The following IDO2 variants were observed in gnomAD, a reference collection of about 807,000 sequenced individuals.
IDO2 encodes the protein indoleamine 2,3-dioxygenase-like 1 protein.
A neutral mutation model predicts 45.1 loss-of-function variants in IDO2; 46 were observed. That is an observed-to-expected ratio of 1.02 (90% CI 0.80 to 1.30). The LOEUF is 1.30. Among genes scored for constraint, IDO2 ranks in the 50% most tolerant of loss-of-function variants. The pLI, the probability that IDO2 is intolerant of heterozygous loss-of-function variation, is 0.00. For missense variants in IDO2, 544 were observed against 491.8 expected, an observed-to-expected ratio of 1.11 and a Z score of -1.00; for synonymous variants, 218 against 184.9, an observed-to-expected ratio of 1.18 and a Z score of -1.45.
intron 8 of IDO2, among the ~76,000 whole-genome samples, 161 bp downstream of exon 8, chr8:39,989,999 A>G (rs1241153654): frequency 1.2e-4 from 18 of 152,130 alleles, no homozygotes; most frequent in Admixed American, 6.5e-5. Context: ...AACACATATT[A>G]TCTTGGAGAG....
At chr8:39,982,602 T>C in intron 4 of IDO2, 50 bp from the exon 5 acceptor site, 1 of 1,244,992 alleles carries the variant, frequency 8.0e-7, no homozygotes, top group East Asian at 2.5e-5. Flanking sequence ...TTATTTCCTC[T>C]GCTGCAAGCT....
chr8:39,975,753 T>C (rs1168037724), intron 3 of IDO2, among the ~76,000 whole-genome samples: 1 of 152,186 alleles, frequency 6.6e-6, no homozygotes, highest in Non-Finnish European at 1.5e-5. Flanking sequence ...AACTTCCTTC[T>C]TGTCTATATA....
chr8:39,936,316 G>A (rs1011144874), intron 1 of IDO2, among the ~76,000 whole-genome samples: 22 of 152,130 alleles, frequency 1.4e-4, no homozygotes, highest in Non-Finnish European at 3.1e-4. Flanking sequence ...TTTAATTCAA[G>A]TCATTGCAAA....
At chr8:39,959,685 T>C (rs1431963818) in intron 2 of IDO2, among the ~76,000 whole-genome samples, 1 of 152,034 alleles carries the variant, frequency 6.6e-6, no homozygotes, top group Non-Finnish European at 1.5e-5. Context: ...TAGCCAGGCA[T>C]GGTGACATGC....
intron 9 of IDO2, among the ~76,000 whole-genome samples, chr8:40,012,367 G>A (rs1424345279): frequency 6.6e-6 from 1 of 152,152 alleles, no homozygotes; most frequent in Non-Finnish European, 1.5e-5. Context: ...TTGCAAGTTT[G>A]GGGATCAAGT....
At chr8:39,949,300 A>C in intron 2 of IDO2, 36 bp downstream of exon 2, 1 of 1,479,986 alleles carries the variant, frequency 6.8e-7, no homozygotes, top group South Asian at 1.3e-5. Flanking sequence ...AGGTCAGAAT[A>C]TGTTTCTTGA....
chr8:39,967,045 A>C (rs928908577), intron 3 of IDO2, among the ~76,000 whole-genome samples: 1 of 152,224 alleles, frequency 6.6e-6, no homozygotes, highest in Non-Finnish European at 1.5e-5. Flanking sequence ...AGAACTCCTC[A>C]ATATAAACCT....
chr8:39,982,595 T>C (rs1808370489), intron 4 of IDO2, 57 bp from the exon 5 acceptor site: 2 of 1,181,848 alleles, frequency 1.7e-6, no homozygotes, highest in South Asian at 2.8e-5. Flanking sequence ...ACCATGGTTA[T>C]TTCCTCTGCT....
chr8:39,949,334 A>G, intron 2 of IDO2, 70 bp downstream of exon 2: 1 of 1,175,188 alleles, frequency 8.5e-7, no homozygotes, highest in Non-Finnish European at 1.2e-6. Context: ...TTGTTTTTTA[A>G]AAATGTATGT....
chr8:39,944,754 G>A (rs62513109), intron 1 of IDO2, among the ~76,000 whole-genome samples: 29,937 of 151,876 alleles, frequency 0.2, 3,218 homozygotes, highest in South Asian at 0.32. Flanking sequence ...TGTTTTAACT[G>A]GACCCCCCTC....
At chr8:39,996,746 A>G (rs758246641) in intron 8 of IDO2, among the ~76,000 whole-genome samples, 1 of 152,226 alleles carries the variant, frequency 6.6e-6, no homozygotes, top group Non-Finnish European at 1.5e-5. Flanking sequence ...ATAATAATAT[A>G]GTACTTGAAG....
At chr8:40,015,722 G>T in exon 11 of IDO2, 2 of 711,832 alleles carry the variant, frequency 2.8e-6, no homozygotes, top group South Asian at 3.6e-5. Flanking sequence ...TCATGTTTCT[G>T]CTCTACAGAG....
chr8:40,002,670 C>T (rs541912545), intron 8 of IDO2, among the ~76,000 whole-genome samples: 170 of 152,238 alleles, frequency 1.1e-3, no homozygotes, highest in Admixed American at 5.3e-3. Context: ...ATTCTAGCTA[C>T]TCAGGAGGCT....
intron 3 of IDO2, among the ~76,000 whole-genome samples, chr8:39,976,666 C>T (rs892637359): frequency 2.6e-5 from 4 of 152,204 alleles, no homozygotes; most frequent in South Asian, 4.2e-4. Flanking sequence ...ACAATGGTTC[C>T]GAGAAGCTCC....
At chr8:39,980,305 C>T (rs745908253) in intron 4 of IDO2, among the ~76,000 whole-genome samples, 3 of 152,160 alleles carry the variant, frequency 2.0e-5, no homozygotes, top group Non-Finnish European at 4.4e-5. Context: ...GTGGAAAAGC[C>T]AAGGCCAGAA....
chr8:39,989,657 T>G, intron 7 of IDO2, 64 bp from the exon 8 acceptor site: 1 of 1,168,076 alleles, frequency 8.6e-7, no homozygotes, highest in Non-Finnish European at 1.2e-6. Flanking sequence ...AGTATGAGGC[T>G]TACTCTGCCT....
chr8:39,960,236 C>T (rs542767645), intron 2 of IDO2, among the ~76,000 whole-genome samples: 1 of 152,186 alleles, frequency 6.6e-6, no homozygotes, highest in East Asian at 1.9e-4. Flanking sequence ...AATTTCACAC[C>T]CACCCCTATC....
intron 4 of IDO2, among the ~76,000 whole-genome samples, chr8:39,980,231 G>C (rs576823350): frequency 4.1e-4 from 62 of 152,050 alleles, no homozygotes; most frequent in Admixed American, 2.0e-4. Context: ...GAGCCATACC[G>C]GCCCATTTTA....
chr8:40,003,185 C>T (rs1042697886), intron 8 of IDO2, among the ~76,000 whole-genome samples: 2 of 152,022 alleles, frequency 1.3e-5, no homozygotes, highest in African/African-American at 4.8e-5. Context: ...GCCTGGCCAA[C>T]ATGGTAAAGT....
Sources: gnomAD v4.1 joint callset for allele counts (sites outside exome capture counted in the v4.1 genomes callset) on GRCh38, gnomAD v4.1.1 for gene constraint, MANE v1.5 for transcripts, NCBI Gene and HGNC (gene_info 2026-07-23, HGNC 2026-07-21) for gene names.